Variants in PCDH1 observed in about 807,000 individuals in gnomAD.
The protein encoded by PCDH1 is protocadherin 1, also known as protocadherin-1.
A neutral mutation model predicts 74.6 loss-of-function variants in PCDH1; 23 were observed. The observed-to-expected ratio is 0.31, with a 90% CI of 0.22 to 0.44. PCDH1 has a LOEUF of 0.44. Ranked by LOEUF, PCDH1 falls within the 20% of genes least tolerant of loss-of-function variation. PCDH1 has a pLI of 1.00. For synonymous variants in PCDH1, 647 were observed against 686.1 expected (o/e 0.94, Z 0.89); for missense variants, 1,214 against 1,641.4 (o/e 0.74, Z 4.50).
chr5:141,855,100 T>C (rs981157919), intron 4 of PCDH1, among the ~76,000 whole-genome samples: 2 of 151,860 alleles, frequency 1.3e-5, no homozygotes, highest in African/African-American at 4.8e-5. Context: ...GACTCCCAAA[T>C]ATCTGTGACT....
chr5:141,877,466 G>A (rs1753269553), intron 1 of PCDH1, among the ~76,000 whole-genome samples: 1 of 152,196 alleles, frequency 6.6e-6, no homozygotes, highest in Non-Finnish European at 1.5e-5. Context: ...AAGGAATGTG[G>A]GGGGTGGCTA....
chr5:141,861,512 GAAAGGACAGA>G, intron 3 of PCDH1, among the ~76,000 whole-genome samples: 1 of 152,198 alleles, frequency 6.6e-6, no homozygotes, highest in East Asian at 1.9e-4. Flanking sequence ...AGGAATGCCA[GAAAGGACAGA>G]AAAGGAAGAG....
intron 1 of PCDH1, among the ~76,000 whole-genome samples, chr5:141,871,033 C>G (rs886213882): frequency 6.6e-6 from 1 of 152,218 alleles, no homozygotes; most frequent in Non-Finnish European, 1.5e-5. Context: ...ATTGTCTGCT[C>G]CAATCCCAAG....
At position 141,868,158 on chromosome 5, in the gene PCDH1, G is replaced by A. The variant is rs975426267; in HGVS notation, c.903+411C>T. Among the ~76,000 whole-genome samples the A allele has an allele frequency of 7.2e-5, 11 of 152,238 alleles. No individual in the cohort carries two copies. The highest frequency in any genetic ancestry group is 2.0e-4 in the Admixed American group (3 of 15,282). On this transcript the variant is annotated intron_variant, in intron 2 of 4. Transcript: ENST00000287008. The surrounding 1 kb of genome is among the most constrained non-coding windows in gnomAD (Gnocchi z 4.8). ...TTCAGGAAAACCTCATCTGGCTAAA[G>A]AGAAACTATCCCTGGTTGGGAAGAT...
At chr5:141,861,573 G>A (rs1752566845) in intron 3 of PCDH1, among the ~76,000 whole-genome samples, 1 of 152,174 alleles carries the variant, frequency 6.6e-6, no homozygotes, top group South Asian at 2.1e-4. Flanking sequence ...TCACGATATG[G>A]TTAGATCTCA....
At chr5:141,877,370 T>C (rs1753267010) in intron 1 of PCDH1, among the ~76,000 whole-genome samples, 1 of 152,014 alleles carries the variant, frequency 6.6e-6, no homozygotes, top group Non-Finnish European at 1.5e-5. Flanking sequence ...GTGGGTGCAG[T>C]AGAGGGGTGC....
At chr5:141,871,444 T>G (rs1158345777) in intron 1 of PCDH1, among the ~76,000 whole-genome samples, 2 of 152,218 alleles carry the variant, frequency 1.3e-5, no homozygotes, top group Non-Finnish European at 2.9e-5. Flanking sequence ...GCGAGGGTTG[T>G]GGCATTAGAC....
In PCDH1 at chr5:141,863,108, G is replaced by C; in HGVS notation, c.3099+124C>G. ...GCCCCACCTCCCACTGCTGGCTCAGGCTGGCCCCCAACACGGGCAGGCACA... is the reference window on the plus strand; with the variant it reads ...GCCCCACCTCCCACTGCTGGCTCAGCCTGGCCCCCAACACGGGCAGGCACA... On this transcript the variant is annotated intron_variant, in intron 3 of 4. Transcript: ENST00000287008. This position sits in a 1 kb window ranked among gnomAD's most constrained non-coding sequence, Gnocchi z 7.5. 7.1e-7 allele frequency: 1 copy of C among 1,416,896 alleles called. No homozygotes were observed. The highest frequency in any genetic ancestry group is 9.2e-7 in the Non-Finnish European group (1 of 1,081,364). 87.8% of individuals were successfully genotyped at this position (1,416,896 alleles called of 1,614,324 possible).
rs1395184298 is a variant in PCDH1, at chr5:141,868,655, T to C, written c.817A>G (p.Thr273Ala). The C allele has an allele frequency of 6.2e-7, 1 of 1,607,910 alleles. No homozygotes were observed. Among genetic ancestry groups the C allele is most frequent in the African/African-American group, 1.3e-5 (1 of 74,896 alleles). ...TCAAACTTGGGGGCGTTGTCATTGG[T>C]GTCAAGCACGGTGACACGCAGCAGG... is the stretch of plus-strand genomic sequence containing the variant. ...SALLRVTVLDTNDNAPKFERP... is the reference protein window; with the variant it reads ...SALLRVTVLDANDNAPKFERP... The change falls in exon 2 of 5, where the codon ACC becomes GCC. Residue 273 changes from threonine to alanine, a missense_variant. Physicochemically the swap from Thr to Ala is moderately conservative, Grantham distance 58. Around this residue, in one of 4 missense-constraint regions of PCDH1, gnomAD observed 836 missense variants for 1,182.2 expected, o/e 0.71. Transcript: ENST00000287008. The surrounding 1 kb of genome is among the most constrained non-coding windows in gnomAD (Gnocchi z 4.8).
intron 1 of PCDH1, among the ~76,000 whole-genome samples, chr5:141,876,740 G>A (rs73792369): frequency 0.046 from 7,056 of 152,194 alleles, 556 homozygotes; most frequent in African/African-American, 0.16. Context: ...GGACCAGGCG[G>A]AGGGGGCGCT....
chr5:141,876,172 GGGCTCT>G (rs1321609634), intron 1 of PCDH1, among the ~76,000 whole-genome samples: 5 of 152,046 alleles, frequency 3.3e-5, no homozygotes, highest in African/African-American at 1.2e-4. Context: ...GCAGTTTCTT[GGGCTCT>G]GGCGGCCCCA....
chr5:141,855,129 G>A (rs567888598), intron 4 of PCDH1, among the ~76,000 whole-genome samples: 21 of 151,590 alleles, frequency 1.4e-4, no homozygotes, highest in Non-Finnish European at 2.4e-4. Flanking sequence ...GCACTACCAT[G>A]CCTGGCTAAT....
chr5:141,874,838 G>A (rs1362892496), intron 1 of PCDH1, among the ~76,000 whole-genome samples: 2 of 151,998 alleles, frequency 1.3e-5, no homozygotes, highest in Non-Finnish European at 2.9e-5. Flanking sequence ...ACGGACTGTC[G>A]CGGGGAGAGG....
At chr5:141,875,319 T>C (rs1334986663) in intron 1 of PCDH1, among the ~76,000 whole-genome samples, 1 of 152,156 alleles carries the variant, frequency 6.6e-6, no homozygotes, top group Non-Finnish European at 1.5e-5. Flanking sequence ...GTAAGTCCTA[T>C]GAAGGCAATG....
Position 141,878,225 on chromosome 5 carries a change from G to A in PCDH1, c.38C>T (p.Ala13Val). The A allele has an allele frequency of 7.1e-7, 1 of 1,410,524 alleles. No individual in the cohort carries two copies. Among genetic ancestry groups the A allele is most frequent in the Non-Finnish European group, 9.2e-7 (1 of 1,083,444 alleles). 87.4% of individuals were successfully genotyped at this position (1,410,524 alleles called of 1,614,324 possible). ...CTCCACCGCCGCCGGATCCTTACCC[G>A]CCTCCGGGCAGCGCCGGCCGCCCGC... ...SGAGGRRCPE[A>V]ALLILGPPRM... Residue 13 changes from alanine (A) to valine (V), a missense_variant and splice_region_variant, in exon 1 of 5, where the codon GCG becomes GTG. This residue lies in a region of PCDH1 where 87 missense variants were observed against 87.7 expected (regional missense o/e 0.99). Coordinates refer to ENST00000287008, the MANE Select transcript of PCDH1 (RefSeq NM_032420.5). This position sits in a 1 kb window ranked among gnomAD's most constrained non-coding sequence, Gnocchi z 5.5.
rs953010382 is a variant in PCDH1, at chr5:141,878,196, C to G, written c.40+27G>C. 2.1e-6 allele frequency: 3 copies of G among 1,431,978 alleles called. No individual in the cohort carries two copies. The African/African-American group carries it at 4.5e-5, about 21-fold the overall frequency. 88.7% of individuals were successfully genotyped at this position (1,431,978 alleles called of 1,614,324 possible). Reference sequence around the variant, plus strand: ...GACCGCTTCGGGCCCCAAGCCGCTGCTGCCTCCACCGCCGCCGGATCCTTA... The same window carrying G: ...GACCGCTTCGGGCCCCAAGCCGCTGGTGCCTCCACCGCCGCCGGATCCTTA... On this transcript the variant is annotated intron_variant, in intron 1 of 4. Coordinates refer to ENST00000287008, the MANE Select transcript of PCDH1 (RefSeq NM_032420.5). The surrounding 1 kb of genome is among the most constrained non-coding windows in gnomAD (Gnocchi z 5.5).
intron 2 of PCDH1, chr5:141,866,241 A>G (rs58960568): frequency 0.11 from 111,155 of 985,236 alleles, 6,374 homozygotes; most frequent in Non-Finnish European, 0.12. Context: ...GCGAGGCACC[A>G]ATGCGAGGAA....
chr5:141,853,738 G>T lies in PCDH1; in HGVS notation c.*304C>A, dbSNP rs1046729770. The stretch of plus-strand genomic sequence containing the variant: ...TGACTCCACCATCTGCCCAAATCGA[G>T]GGGGTGCTCCCTGGAAGTCAAGGGA... On this transcript the variant is annotated 3_prime_UTR_variant, in exon 5 of 5. Coordinates refer to ENST00000287008, the MANE Select transcript of PCDH1 (RefSeq NM_032420.5). 1.6e-5 allele frequency: 5 copies of T among 310,072 alleles called. No homozygotes were observed. Among genetic ancestry groups the T allele is most frequent in the Non-Finnish European group, 3.0e-5 (5 of 168,312 alleles). The allele number at this position is 310,072 out of a possible 1,614,324, so 19.2% of individuals were successfully genotyped here.
intron 1 of PCDH1, among the ~76,000 whole-genome samples, chr5:141,873,613 A>ATTTT (rs34468568): frequency 8.2e-6 from 1 of 122,526 alleles, no homozygotes; most frequent in African/African-American, 3.1e-5. Flanking sequence ...TGCCCAGCTA[A>ATTTT]TTTTTTTTTT....
Sources: gnomAD v4.1 joint callset for allele counts (sites outside exome capture counted in the v4.1 genomes callset) on GRCh38, gnomAD v4.1.1 for gene constraint, gnomAD v4.1.1 regional missense constraint, Gnocchi (gnomAD v3.1) non-coding constraint, MANE v1.5 for transcripts, NCBI Gene and HGNC (gene_info 2026-07-23, HGNC 2026-07-21) for gene names.